Variants in SCUBE3 observed in about 807,000 individuals in gnomAD.
SCUBE3 encodes signal peptide, CUB and EGF-like domain-containing protein 3.
Under a neutral mutation model 116.8 loss-of-function variants are expected in SCUBE3, and 33 were observed. The ratio of observed to expected loss-of-function variants is 0.28; its 90% CI spans 0.21 to 0.38. The LOEUF is 0.38. Ranked by LOEUF, SCUBE3 falls within the 10% of genes least tolerant of loss-of-function variation. The pLI, the probability that SCUBE3 is intolerant of heterozygous loss-of-function variation, is 1.00. For missense variants in SCUBE3, 1,007 were observed against 1,324.8 expected (o/e 0.76, Z 3.72); for synonymous variants, 418 against 496.9 (o/e 0.84, Z 2.11).
intron 1 of SCUBE3, among the ~76,000 whole-genome samples, chr6:35,216,254 G>GTA (rs1782887027): frequency 6.6e-6 from 1 of 152,190 alleles, no homozygotes; most frequent in Admixed American, 6.5e-5. Flanking sequence ...TCCCTGCATG[G>GTA]TACTCCAGGG....
At chr6:35,230,937 G>A (rs1480368250) in intron 3 of SCUBE3, among the ~76,000 whole-genome samples, 1 of 152,206 alleles carries the variant, frequency 6.6e-6, no homozygotes, top group Non-Finnish European at 1.5e-5. Context: ...TCAAGGTGTT[G>A]AATTGGGGGC....
Position 35,241,139 on chromosome 6 carries a change from A to G in SCUBE3, c.1070-2A>G, listed in dbSNP as rs1784026204. 6.3e-7 allele frequency: 1 copy of G among 1,590,112 alleles called. No homozygotes were observed. Among genetic ancestry groups the G allele is most frequent in the Non-Finnish European group, 8.6e-7 (1 of 1,161,244 alleles). On this transcript the variant is annotated splice_acceptor_variant, in intron 9 of 21. Coordinates refer to ENST00000274938, the MANE Select transcript of SCUBE3 (RefSeq NM_152753.4). LOFTEE classifies it high-confidence loss of function. This position sits in a 1 kb window ranked among gnomAD's most constrained non-coding sequence, Gnocchi z 4.1. ...TTTCTGTCTCCCTACTCCTTCCCCC[A>G]GATGTGGATGAATGCAGCATCAACC...
In SCUBE3 at chr6:35,233,575, C is replaced by CCA. The variant is rs1411841677; in HGVS notation, c.712+275_712+276dup. ...CTCTTCATCCCAGGACAAAGTGTTG[C>CCA]CAAACTGGGAATAATTAGCAGAGTT... is the stretch of plus-strand genomic sequence containing the variant. On this transcript the variant is annotated intron_variant, in intron 6 of 21. Transcript: ENST00000274938. The surrounding 1 kb of genome is among the most constrained non-coding windows in gnomAD (Gnocchi z 5.7). 6.6e-6 allele frequency among the ~76,000 whole-genome samples: 1 copy of CCA among 152,164 alleles called. No individual in the cohort carries two copies. The highest frequency in any genetic ancestry group is 1.5e-5 in the Non-Finnish European group (1 of 68,010).
chr6:35,230,561 G>T (rs150279891), intron 3 of SCUBE3, among the ~76,000 whole-genome samples: 11 of 152,220 alleles, frequency 7.2e-5, no homozygotes, highest in African/African-American at 2.7e-4. Flanking sequence ...TAAGGGAGCA[G>T]ACAGAAGGAT....
chr6:35,239,961 A>G lies in SCUBE3; in HGVS notation c.952+87A>G. 8.5e-7 allele frequency: 1 copy of G among 1,177,628 alleles called. No individual in the cohort carries two copies. The highest frequency in any genetic ancestry group is 1.7e-5 in the South Asian group (1 of 59,102). The allele number at this position is 1,177,628 out of a possible 1,614,324, so 72.9% of individuals were successfully genotyped here. ...AGGCCAGAGGGCTAAAGTCTTAGAA[A>G]CTCAATAGATATCACACAGAGTCTC... On this transcript the variant is annotated intron_variant, in intron 8 of 21. Transcript: ENST00000274938. This position sits in a 1 kb window ranked among gnomAD's most constrained non-coding sequence, Gnocchi z 4.1.
rs1784590321 is a variant in SCUBE3, at chr6:35,252,546, G to A, written c.*3841G>A. 1 of 152,222 alleles carries A rather than the reference G, an allele frequency of 6.6e-6. No homozygotes were observed. 9.4% of individuals were successfully genotyped at this position (152,222 alleles called of 1,614,324 possible). Reference sequence around the variant, plus strand: ...TCAATATTACAGCCACAAACAAGGGGTACCAAGACAAAGTATAACTGAGCA... The same window carrying A: ...TCAATATTACAGCCACAAACAAGGGATACCAAGACAAAGTATAACTGAGCA... On this transcript the variant is annotated 3_prime_UTR_variant, in exon 22 of 22. Transcript: ENST00000274938.
chr6:35,220,834 G>GT (rs34825382), intron 1 of SCUBE3: 11,402 of 152,266 alleles, frequency 0.075, 575 homozygotes, highest in Non-Finnish European at 0.11. Flanking sequence ...CATTTGTGTG[G>GT]TTTTCTGGAC....
chr6:35,230,447 T>C lies in SCUBE3; in HGVS notation c.335-1278T>C, dbSNP rs930102974. 2.6e-5 allele frequency among the ~76,000 whole-genome samples: 4 copies of C among 152,262 alleles called. No individual in the cohort carries two copies. The East Asian group carries it at 7.7e-4, about 29-fold the overall frequency. ...AAGTCTCAATACTACCTTTGGCTCT[T>C]AGGGGAATTTTGAGAAAGTTGTCCA... On this transcript the variant is annotated intron_variant, in intron 3 of 21. Coordinates refer to ENST00000274938, the MANE Select transcript of SCUBE3 (RefSeq NM_152753.4).
chr6:35,243,779 G>A lies in SCUBE3; in HGVS notation c.2071+24G>A, dbSNP rs758964040. The A allele has an allele frequency of 7.5e-6, 12 of 1,609,034 alleles. No homozygotes were observed. In the Admixed American group the frequency reaches 1.0e-4, roughly 13 times the overall value. On this transcript the variant is annotated intron_variant, in intron 16 of 21. Coordinates refer to ENST00000274938, the MANE Select transcript of SCUBE3 (RefSeq NM_152753.4). This position sits in a 1 kb window ranked among gnomAD's most constrained non-coding sequence, Gnocchi z 6.6. ...AGGTGCCAGGGGAACAAACAATACA[G>A]AGTGGGGTAGGGTGGGCACTGGGAT... is the stretch of plus-strand genomic sequence containing the variant.
chr6:35,215,388 C>G (rs944551054), intron 1 of SCUBE3, among the ~76,000 whole-genome samples: 1 of 152,132 alleles, frequency 6.6e-6, no homozygotes, highest in Admixed American at 6.5e-5. Context: ...ACAGTTCTCT[C>G]GGGACAGTTT....
At chr6:35,246,444 T>G (rs1436355872) in intron 21 of SCUBE3, among the ~76,000 whole-genome samples, 159 bp downstream of exon 21, 1 of 152,122 alleles carries the variant, frequency 6.6e-6, no homozygotes, top group Non-Finnish European at 1.5e-5. Flanking sequence ...ATGGGAAAAC[T>G]GGGGTATAGA....
rs527301505 is a variant in SCUBE3, at chr6:35,228,180, C to T, written c.209-434C>T. Among the ~76,000 whole-genome samples, 2 of 152,274 alleles carry T rather than the reference C, an allele frequency of 1.3e-5. No homozygotes were observed. The highest frequency in any genetic ancestry group is 2.1e-4 in the South Asian group (1 of 4,818). The stretch of plus-strand genomic sequence containing the variant: ...TGGTGAGACTTTAGTGGACAGGGTA[C>T]ACTTGTTAATTCCTAGTTGCATTAT... On this transcript the variant is annotated intron_variant, in intron 2 of 21. Transcript: ENST00000274938. This position sits in a 1 kb window ranked among gnomAD's most constrained non-coding sequence, Gnocchi z 4.9.
Position 35,243,302 on chromosome 6 carries a change from A to G in SCUBE3, c.1909+66A>G. On this transcript the variant is annotated intron_variant, in intron 15 of 21. Coordinates refer to ENST00000274938, the MANE Select transcript of SCUBE3 (RefSeq NM_152753.4). The surrounding 1 kb of genome is among the most constrained non-coding windows in gnomAD (Gnocchi z 6.6). ...CAGTTTGGGCCTGACTCAGAGCAGG[A>G]CCCTTTGTGGCCTCAGATGCATTTC... 7.4e-7 allele frequency: 1 copy of G among 1,351,454 alleles called. No homozygotes were observed. Among genetic ancestry groups the G allele is most frequent in the South Asian group, 1.2e-5 (1 of 85,046 alleles). The allele number at this position is 1,351,454 out of a possible 1,614,324, so 83.7% of individuals were successfully genotyped here.
In SCUBE3 at chr6:35,232,810, C is replaced by T. The variant is rs1264715242; in HGVS notation, c.470-40C>T. 6.2e-7 allele frequency: 1 copy of T among 1,604,912 alleles called. No individual in the cohort carries two copies. Among genetic ancestry groups the T allele is most frequent in the Non-Finnish European group, 8.5e-7 (1 of 1,172,402 alleles). On this transcript the variant is annotated intron_variant, in intron 4 of 21. Coordinates refer to ENST00000274938, the MANE Select transcript of SCUBE3 (RefSeq NM_152753.4). This position sits in a 1 kb window ranked among gnomAD's most constrained non-coding sequence, Gnocchi z 4.2. ...CTGTAGTTTTTCTTTTCTAGACATC[C>T]AGGGGTACAGAGCATTCACACCCCT...
Position 35,245,113 on chromosome 6 carries a change from C to G in SCUBE3, c.2402-115C>G. ...CTTGGAAAATAATGATGAACTAGAA[C>G]GCAGACTTCCCATAAATGTCTGACC... On this transcript the variant is annotated intron_variant, in intron 18 of 21. Coordinates refer to ENST00000274938, the MANE Select transcript of SCUBE3 (RefSeq NM_152753.4). The surrounding 1 kb of genome is among the most constrained non-coding windows in gnomAD (Gnocchi z 4.2). 1.1e-6 allele frequency: 1 copy of G among 942,986 alleles called. No homozygotes were observed. Among genetic ancestry groups the G allele is most frequent in the Non-Finnish European group, 1.7e-6 (1 of 595,468 alleles). 58.4% of individuals were successfully genotyped at this position (942,986 alleles called of 1,614,324 possible). A position where few individuals can be genotyped will look rare whatever the true frequency, so the allele number is the denominator to read the frequency against.
In SCUBE3 at chr6:35,243,251, T is replaced by C. The variant is rs770255813; in HGVS notation, c.1909+15T>C. ...GACCAAGTGTGGTAAGGGAGCTTACTGGGGAGCAGGGATGTAGGAAAGACC... is the reference window on the plus strand; with the variant it reads ...GACCAAGTGTGGTAAGGGAGCTTACCGGGGAGCAGGGATGTAGGAAAGACC... On this transcript the variant is annotated intron_variant, in intron 15 of 21. Coordinates refer to ENST00000274938, the MANE Select transcript of SCUBE3 (RefSeq NM_152753.4). The surrounding 1 kb of genome is among the most constrained non-coding windows in gnomAD (Gnocchi z 6.6). 1.2e-6 allele frequency: 2 copies of C among 1,607,654 alleles called. No individual in the cohort carries two copies. The highest frequency in any genetic ancestry group is 1.7e-6 in the Non-Finnish European group (2 of 1,175,670).
chr6:35,246,851 CG>C (rs1784362530), intron 21 of SCUBE3, among the ~76,000 whole-genome samples: 5 of 151,954 alleles, frequency 3.3e-5, no homozygotes, highest in African/African-American at 1.2e-4. Context: ...CGGTGGCAGG[CG>C]CCTGTAATCC....
rs1377206109 is a variant in SCUBE3 at position 35,232,906 on chromosome 6, C to T, written c.526C>T (p.Pro176Ser). The T allele has an allele frequency of 6.2e-6, 10 of 1,614,170 alleles. No homozygotes were observed. The highest frequency in any genetic ancestry group is 8.5e-6 in the Non-Finnish European group (10 of 1,180,000). Residue 176 changes from proline to serine, a missense_variant, in exon 5 of 22, where the codon CCC (proline) becomes TCC (serine). Around this residue, in one of 5 missense-constraint regions of SCUBE3, gnomAD observed 214 missense variants for 316.7 expected, o/e 0.68. Coordinates refer to ENST00000274938, the MANE Select transcript of SCUBE3 (RefSeq NM_152753.4). This position sits in a 1 kb window ranked among gnomAD's most constrained non-coding sequence, Gnocchi z 4.2. Reference protein sequence around the residue: ...HGCAHICRETPKGGIACECRP... With the variant: ...HGCAHICRETSKGGIACECRP... ...CTGTGCCCACATTTGCCGGGAGACA[C>T]CCAAGGGGGGTATTGCCTGTGAATG...
rs763905130 is a variant in SCUBE3 at position 35,242,628 on chromosome 6, C to T, written c.1541C>T (p.Ala514Val). Reference protein sequence around the residue: ...EAGRITGPGGAPCSECQVTFI... With the variant: ...EAGRITGPGGVPCSECQVTFI... ...GACAAGCCCTCTCTCCCAGGTGGTGCCCCCTGCTCTGAATGCCAGGTCACC... is the reference window on the plus strand; with the variant it reads ...GACAAGCCCTCTCTCCCAGGTGGTGTCCCCTGCTCTGAATGCCAGGTCACC... Residue 514 changes from alanine (A) to valine (V), a missense_variant, in exon 14 of 22, where the codon GCC becomes GTC. Ala to Val is a moderately conservative substitution (Grantham distance 64). Coordinates refer to ENST00000274938, the MANE Select transcript of SCUBE3 (RefSeq NM_152753.4). 6.2e-7 allele frequency: 1 copy of T among 1,607,754 alleles called. No homozygotes were observed. The highest frequency in any genetic ancestry group is 1.3e-5 in the African/African-American group (1 of 74,808).
Sources: gnomAD v4.1 joint callset for allele counts (sites outside exome capture counted in the v4.1 genomes callset) on GRCh38, gnomAD v4.1.1 for gene constraint, gnomAD v4.1.1 regional missense constraint, Gnocchi (gnomAD v3.1) non-coding constraint, MANE v1.5 for transcripts, NCBI Gene and HGNC (gene_info 2026-07-23, HGNC 2026-07-21) for gene names.